PLEK: variants seen among roughly 807,000 people sequenced by gnomAD.
PLEK encodes platelet 47 kDa protein.
In PLEK, 25 loss-of-function variants were observed where a neutral mutation model predicts 43.9. The observed-to-expected ratio is 0.57, with a 90% CI of 0.41 to 0.79. The LOEUF (loss-of-function observed/expected upper bound fraction) is 0.79. PLEK is among the 30% of genes least tolerant of loss of function. The pLI, the probability that PLEK is intolerant of heterozygous loss-of-function variation, is 0.00. For missense variants in PLEK, 396 were observed against 413.3 expected (o/e 0.96, Z 0.36); for synonymous variants, 152 against 144.4 (o/e 1.05, Z -0.38).
intron 6 of PLEK, among the ~76,000 whole-genome samples, chr2:68,391,665 G>A (rs1197919083): frequency 6.6e-6 from 1 of 152,210 alleles, no homozygotes; most frequent in African/African-American, 2.4e-5. Context: ...GATTTATGAA[G>A]GAGGCACTGT....
chr2:68,392,588 T>G (rs1673882583), intron 6 of PLEK, among the ~76,000 whole-genome samples: 1 of 152,230 alleles, frequency 6.6e-6, no homozygotes, highest in South Asian at 2.1e-4. Flanking sequence ...CACCTGAGTA[T>G]GTCTCTTGCA....
At chr2:68,366,718 A>C (rs1673281492) in intron 1 of PLEK, among the ~76,000 whole-genome samples, 1 of 152,242 alleles carries the variant, frequency 6.6e-6, no homozygotes, top group South Asian at 2.1e-4. Flanking sequence ...TATACATAGA[A>C]GTGTAAAAGA....
chr2:68,385,461 A>G (rs929509097), intron 4 of PLEK, among the ~76,000 whole-genome samples: 1 of 152,216 alleles, frequency 6.6e-6, no homozygotes, highest in South Asian at 2.1e-4. Context: ...TTTAGGACAT[A>G]TATCCATCAC....
intron 1 of PLEK, among the ~76,000 whole-genome samples, chr2:68,378,718 C>G (rs1673553437): frequency 6.6e-6 from 1 of 152,170 alleles, no homozygotes; most frequent in Admixed American, 6.5e-5. Context: ...AAATCTTATC[C>G]AAATTATTTC....
At chr2:68,391,826 T>A (rs1673864470) in intron 6 of PLEK, among the ~76,000 whole-genome samples, 1 of 152,252 alleles carries the variant, frequency 6.6e-6, no homozygotes, top group Non-Finnish European at 1.5e-5. Flanking sequence ...TATCTTTTAA[T>A]ATAATACTAT....
chr2:68,370,167 G>T (rs1398636703), intron 1 of PLEK, among the ~76,000 whole-genome samples: 1 of 152,232 alleles, frequency 6.6e-6, no homozygotes, highest in Non-Finnish European at 1.5e-5. Flanking sequence ...ATGCAGTTTT[G>T]ATCACAGTGT....
chr2:68,371,884 A>T (rs901874905), intron 1 of PLEK, among the ~76,000 whole-genome samples: 1 of 152,118 alleles, frequency 6.6e-6, no homozygotes, highest in African/African-American at 2.4e-5. Context: ...ATAAGTCTTT[A>T]CAAAATATTA....
At chr2:68,382,674 G>C (rs769690506) in intron 4 of PLEK, 41 bp downstream of exon 4, 1 of 1,114,260 alleles carries the variant, frequency 9.0e-7, no homozygotes, top group Non-Finnish European at 1.4e-6. Flanking sequence ...GACTGGGAAG[G>C]CGATATGGAG....
intron 1 of PLEK, among the ~76,000 whole-genome samples, chr2:68,372,404 G>A (rs1219581036): frequency 1.3e-5 from 2 of 151,798 alleles, no homozygotes; most frequent in Non-Finnish European, 2.9e-5. Context: ...TCAAACTCCT[G>A]GCCTCAAGTG....
chr2:68,397,365 A>C lies in PLEK; in HGVS notation c.*1549A>C, dbSNP rs1673979422. 1 of 152,222 alleles carries C rather than the reference A, an allele frequency of 6.6e-6. No homozygotes were observed. 9.4% of individuals were successfully genotyped at this position (152,222 alleles called of 1,614,324 possible). Reference sequence around the variant, plus strand: ...AATAAATTATCTTTATAGAATATGCACAAGTTTTTCTACACTCAGTGTTAA... The same window carrying C: ...AATAAATTATCTTTATAGAATATGCCCAAGTTTTTCTACACTCAGTGTTAA... On this transcript the variant is annotated 3_prime_UTR_variant, in exon 9 of 9. Transcript: ENST00000234313.
At chr2:68,372,896 G>A (rs770550798) in intron 1 of PLEK, among the ~76,000 whole-genome samples, 2 of 152,150 alleles carry the variant, frequency 1.3e-5, no homozygotes, top group Non-Finnish European at 2.9e-5. Context: ...TTGAGAATCA[G>A]GAGACATGGA....
intron 6 of PLEK, among the ~76,000 whole-genome samples, chr2:68,391,749 C>T (rs1673863300): frequency 6.6e-6 from 1 of 152,202 alleles, no homozygotes; most frequent in Non-Finnish European, 1.5e-5. Context: ...TGTATACATG[C>T]TTGCCAATAT....
chr2:68,377,185 G>A (rs2103766402), intron 1 of PLEK, among the ~76,000 whole-genome samples: 1 of 152,246 alleles, frequency 6.6e-6, no homozygotes, highest in South Asian at 2.1e-4. Context: ...GGACACTTAG[G>A]TTGCTTCCAA....
chr2:68,376,916 TC>T (rs1673515243), intron 1 of PLEK, among the ~76,000 whole-genome samples: 1 of 152,148 alleles, frequency 6.6e-6, no homozygotes, highest in Non-Finnish European at 1.5e-5. Flanking sequence ...CTCCCTGCAG[TC>T]CCCCACTTCC....
At chr2:68,394,229 C>A (rs1673914757) in intron 8 of PLEK, 53 bp downstream of exon 8, 2 of 985,234 alleles carry the variant, frequency 2.0e-6, no homozygotes, top group Admixed American at 1.7e-5. Context: ...TCCCCTCCCA[C>A]ACCTGGACAT....
At chr2:68,386,715 T>C (rs200007720) in intron 5 of PLEK, 29 bp downstream of exon 5, 24 of 1,559,132 alleles carry the variant, frequency 1.5e-5, no homozygotes, top group Middle Eastern at 3.4e-4. Flanking sequence ...CTCTTCTTCC[T>C]GTAAGGGAGG....
chr2:68,368,556 C>T (rs961413847), intron 1 of PLEK, among the ~76,000 whole-genome samples: 8 of 152,210 alleles, frequency 5.3e-5, no homozygotes, highest in South Asian at 2.1e-4. Flanking sequence ...GAGCAAGGCA[C>T]GAACAAATTG....
chr2:68,396,226 CCTTGGCTAAGT>C lies in PLEK; in HGVS notation c.*417_*427del, dbSNP rs1673961653. 3 of 169,218 alleles carry C rather than the reference CCTTGGCTAAGT, an allele frequency of 1.8e-5. No individual in the cohort carries two copies. In the South Asian group the frequency reaches 4.4e-4, roughly 25 times the overall value. The allele number at this position is 169,218 out of a possible 1,614,324, so 10.5% of individuals were successfully genotyped here. A position where few individuals can be genotyped will look rare whatever the true frequency, so the allele number is the denominator to read the frequency against. On this transcript the variant is annotated 3_prime_UTR_variant, in exon 9 of 9. Transcript: ENST00000234313. ...ATCTAGTTGTTCTGCTGGTGTCCTTCCTTGGCTAAGTCTTGGCCTTCAGTTATCTTCAAATG... is the reference window on the plus strand; with the variant it reads ...ATCTAGTTGTTCTGCTGGTGTCCTTCCTTGGCCTTCAGTTATCTTCAAATG...
At position 68,373,555 on chromosome 2, in the gene PLEK, T is replaced by C. The variant is rs530042127; in HGVS notation, c.43-6773T>C. On this transcript the variant is annotated intron_variant, in intron 1 of 8. Transcript: ENST00000234313. ...AACTAACCTTCACGTTGTGCACATG[T>C]ACCCTAAAACTTAAAGTATAATAAA... Among the ~76,000 whole-genome samples, 16 of 150,522 alleles carry C rather than the reference T, an allele frequency of 1.1e-4. No individual in the cohort carries two copies. In the East Asian group the frequency reaches 2.4e-3, roughly 23 times the overall value.
Sources: gnomAD v4.1 joint callset for allele counts (sites outside exome capture counted in the v4.1 genomes callset) on GRCh38, gnomAD v4.1.1 for gene constraint, MANE v1.5 for transcripts, NCBI Gene and HGNC (gene_info 2026-07-23, HGNC 2026-07-21) for gene names.